The following RNF213 variants were observed in gnomAD, a reference collection of about 807,000 sequenced individuals.
RNF213 encodes the protein ring finger protein 213.
RNF213 carries 341 observed loss-of-function variants against 514.4 expected under a neutral mutation model. That is an observed-to-expected ratio of 0.66 (90% CI 0.61 to 0.73). The LOEUF (loss-of-function observed/expected upper bound fraction) is 0.73. Among genes scored for constraint, RNF213 ranks in the 30% least tolerant of loss-of-function variants. The pLI is 0.00. For missense variants in RNF213, 5,767 were observed against 6,615.6 expected (o/e 0.87, Z 4.45); for synonymous variants, 2,655 against 2,658.2 (o/e 1.00, Z 0.04).
chr17:80,325,937 G>GTATTTATTTATTTATTTATTTATT (rs144887674), intron 18 of RNF213, among the ~76,000 whole-genome samples: 1 of 147,338 alleles, frequency 6.8e-6, no homozygotes, highest in African/African-American at 2.5e-5. Flanking sequence ...TGTGTTATTT[G>GTATTTATTTATTTATTTATTTATT]TATTTATTTA....
chr17:80,333,351 T>C lies in RNF213; in HGVS notation c.4143+720T>C, dbSNP rs575440061. Among the ~76,000 whole-genome samples the C allele has an allele frequency of 2.9e-4, 42 of 146,224 alleles. No individual in the cohort carries two copies. In the East Asian group the frequency reaches 7.1e-3, roughly 25 times the overall value. ...CTGGGATTACAGGCGTGAGCCACCG[T>C]GCCCGGCTGAGTCTTCTGCTTCTTA... On this transcript the variant is annotated intron_variant, in intron 21 of 67. Transcript: ENST00000582970.
chr17:80,373,778 C>CGA (rs2079621606), intron 49 of RNF213, among the ~76,000 whole-genome samples: 1 of 151,968 alleles, frequency 6.6e-6, no homozygotes, highest in Admixed American at 6.6e-5. Flanking sequence ...AGGCGGATCA[C>CGA]TTGTGGTCAG....
chr17:80,331,617 G>A (rs1310159750), intron 20 of RNF213, among the ~76,000 whole-genome samples: 3 of 152,108 alleles, frequency 2.0e-5, no homozygotes, highest in Non-Finnish European at 4.4e-5. Context: ...ATGAACTCCT[G>A]ACCTCAGGTG....
chr17:80,301,915 T>C (rs932031678), intron 11 of RNF213, among the ~76,000 whole-genome samples: 4 of 152,188 alleles, frequency 2.6e-5, no homozygotes, highest in Non-Finnish European at 5.9e-5. Flanking sequence ...ATGAAGAAAG[T>C]GTTGTCTATA....
chr17:80,312,355 C>T (rs555943206), intron 14 of RNF213, among the ~76,000 whole-genome samples: 10 of 151,948 alleles, frequency 6.6e-5, no homozygotes, highest in East Asian at 3.9e-4. Flanking sequence ...GGGGTTTTCC[C>T]TCTGGTCTGG....
intron 54 of RNF213, 99 bp from the exon 55 acceptor site, chr17:80,379,521 C>T (rs573577494): frequency 5.6e-5 from 63 of 1,125,852 alleles, no homozygotes; most frequent in African/African-American, 1.2e-4. Context: ...AGGGTGCTCA[C>T]GTCTGCCGGT....
intron 10 of RNF213, among the ~76,000 whole-genome samples, chr17:80,297,366 C>T (rs904694510): frequency 2.0e-5 from 3 of 151,216 alleles, no homozygotes; most frequent in African/African-American, 2.4e-5. Flanking sequence ...AGGAGAATCA[C>T]GTGAACCCAG....
intron 2 of RNF213, among the ~76,000 whole-genome samples, chr17:80,270,069 G>C (rs1394716677): frequency 6.6e-6 from 1 of 152,264 alleles, no homozygotes; most frequent in East Asian, 1.9e-4. Flanking sequence ...CTGTAAACTG[G>C]TGTGTCCTCT....
chr17:80,285,044 C>G (rs577502459), intron 3 of RNF213, among the ~76,000 whole-genome samples: 3 of 152,310 alleles, frequency 2.0e-5, no homozygotes, highest in South Asian at 4.1e-4. Flanking sequence ...GGACCATTCC[C>G]CAGGATGGGC....
At chr17:80,375,424 G>C (rs934415181) in intron 50 of RNF213, among the ~76,000 whole-genome samples, 1 of 152,052 alleles carries the variant, frequency 6.6e-6, no homozygotes, top group Non-Finnish European at 1.5e-5. Context: ...GGCAGGCAGC[G>C]GTGCGGGGGC....
Position 80,346,402 on chromosome 17 carries a change from C to T in RNF213, c.8067C>T (p.Ile2689=), listed in dbSNP as rs143580800. 7.7e-4 allele frequency: 1,236 copies of T among 1,613,330 alleles called. No homozygotes were observed. The highest frequency in any genetic ancestry group is 1.0e-3 in the Non-Finnish European group (1,181 of 1,179,996). ...TCCTCTGGTCGTTGATGCTGGCCAT[C>T]GGGGTGTGTTACCATGCCTCTTTAG... ...DPVLWSLMLA[I]GVCYHASLEK... is the part of the protein sequence containing the mutation. The change falls in exon 29 of 68, where the codon ATC becomes ATT. Residue 2689 remains isoleucine (I), a synonymous_variant. Coordinates refer to ENST00000582970, the MANE Select transcript of RNF213 (RefSeq NM_001256071.3). The surrounding 1 kb of genome is among the most constrained non-coding windows in gnomAD (Gnocchi z 8.1).
At chr17:80,314,286 G>A (rs2143716903) in intron 15 of RNF213, among the ~76,000 whole-genome samples, 1 of 100,306 alleles carries the variant, frequency 1.0e-5, no homozygotes, top group South Asian at 3.7e-4. Context: ...GGAGGTACTG[G>A]AGGTGATGGT....
Position 80,290,564 on chromosome 17 carries a change from C to T in RNF213, c.1113-6C>T, listed in dbSNP as rs1473205824. 1 of 1,613,610 alleles carries T rather than the reference C, an allele frequency of 6.2e-7. No homozygotes were observed. Among genetic ancestry groups the T allele is most frequent in the Non-Finnish European group, 8.5e-7 (1 of 1,180,028 alleles). ...GAATCAGATTTCTGTTTTGGTTTTC[C>T]ACCAGCACGCTGAGCCCGGGTGGAG... On this transcript the variant is annotated splice_region_variant and splice_polypyrimidine_tract_variant and intron_variant, in intron 6 of 67. Transcript: ENST00000582970.
At chr17:80,384,403 A>G (rs1340296588) in intron 59 of RNF213, among the ~76,000 whole-genome samples, 1 of 152,188 alleles carries the variant, frequency 6.6e-6, no homozygotes, top group Non-Finnish European at 1.5e-5. Context: ...TACTGGCCAC[A>G]TCTGTTGGAA....
In RNF213 at chr17:80,347,250, G is replaced by C. The variant is rs1221421240; in HGVS notation, c.8915G>C (p.Arg2972Thr). The C allele has an allele frequency of 2.5e-6, 4 of 1,613,392 alleles. No individual in the cohort carries two copies. The East Asian group carries it at 6.7e-5, about 27-fold the overall frequency. Residue 2972 changes from arginine (R) to threonine (T), a missense_variant, in exon 29 of 68, where the codon AGA becomes ACA. By Grantham distance (71) the Arg-to-Thr change is moderately conservative (BLOSUM62 -1). Coordinates refer to ENST00000582970, the MANE Select transcript of RNF213 (RefSeq NM_001256071.3). The surrounding 1 kb of genome is among the most constrained non-coding windows in gnomAD (Gnocchi z 7.2). ...TTTGCTGCAGCAAAGGCTTCAAATA[G>C]AAAGCCTTCCCCGCAAGACATTGCA... The part of the protein sequence containing the change: ...MVFAAAKASN[R>T]KPSPQDIAQA...
At position 80,396,420 on chromosome 17, in the gene RNF213, A is replaced by G. The variant is rs2080662726; in HGVS notation, c.*2922A>G. 2 of 152,186 alleles carry G rather than the reference A, an allele frequency of 1.3e-5. No homozygotes were observed. The highest frequency in any genetic ancestry group is 1.3e-4 in the Admixed American group (2 of 15,278). 9.4% of individuals were successfully genotyped at this position (152,186 alleles called of 1,614,324 possible). On this transcript the variant is annotated 3_prime_UTR_variant, in exon 68 of 68. Coordinates refer to ENST00000582970, the MANE Select transcript of RNF213 (RefSeq NM_001256071.3). ...CCAATTTAGAAACAAACTTCCAGTG[A>G]TAAATATTGGGAAGAAAATGTCAGC...
At chr17:80,312,882 TG>T in intron 14 of RNF213, 129 bp from the exon 15 acceptor site, 1 of 981,568 alleles carries the variant, frequency 1.0e-6, no homozygotes, top group Non-Finnish European at 1.6e-6. Context: ...CCAAGGCCTG[TG>T]GTCCCTCCAT....
At chr17:80,295,100 C>G in intron 9 of RNF213, 97 bp downstream of exon 9, 1 of 1,424,626 alleles carries the variant, frequency 7.0e-7, no homozygotes, top group Non-Finnish European at 9.9e-7. Context: ...GGCCAGGTTG[C>G]AAATGGGAAT....
chr17:80,325,909 T>C (rs546731186), intron 18 of RNF213, among the ~76,000 whole-genome samples: 2 of 152,152 alleles, frequency 1.3e-5, no homozygotes, highest in South Asian at 2.1e-4. Context: ...AAAGCTACTC[T>C]CTTGAAAAGA....
Sources: allele counts gnomAD v4.1 joint callset (sites outside exome capture counted in the v4.1 genomes callset), GRCh38; gene constraint gnomAD v4.1.1; non-coding constraint Gnocchi (gnomAD v3.1); transcripts MANE v1.5; gene names NCBI Gene and HGNC (gene_info 2026-07-23, HGNC 2026-07-21).